SKIC2: variants seen among roughly 807,000 people sequenced by gnomAD.
SKIC2 encodes superkiller complex protein 2.
At chr6:31,961,708 C>T in the SKIC2 span, 5 of 1,601,806 alleles carry the variant, frequency 3.1e-6, no homozygotes, top group Non-Finnish European at 4.3e-6. Context: ...CGCTCCTCTA[C>T]CTCTTTCTGG....
At chr6:31,969,024 C>T in the SKIC2 span, 6 of 1,612,658 alleles carry the variant, frequency 3.7e-6, no homozygotes, top group Non-Finnish European at 5.1e-6. This position sits in a 1 kb window ranked among gnomAD's most constrained non-coding sequence, Gnocchi z 6.1. Flanking sequence ...TGCTGCCTTG[C>T]TCTCTGGCCT....
At chr6:31,959,338 G>C in the SKIC2 span, 2 of 1,613,948 alleles carry the variant, frequency 1.2e-6, no homozygotes, top group African/African-American at 2.7e-5. Context: ...CCTTCGGGCC[G>C]TGGAGCTCGG....
chr6:31,966,648 G>T, the SKIC2 span: 1 of 1,588,076 alleles, frequency 6.3e-7, no homozygotes. The surrounding 1 kb of genome is among the most constrained non-coding windows in gnomAD (Gnocchi z 5.9). Flanking sequence ...CAGTCCAGAA[G>T]ACTGGCTGGG....
the SKIC2 span, chr6:31,967,586 G>A: frequency 9.5e-7 from 1 of 1,050,720 alleles, no homozygotes; most frequent in Non-Finnish European, 1.4e-6. The surrounding 1 kb of genome is among the most constrained non-coding windows in gnomAD (Gnocchi z 4.9). Flanking sequence ...GCTTGACTTG[G>A]TTGCCCCTCT....
At chr6:31,965,815 A>G in the SKIC2 span, 1 of 1,612,324 alleles carries the variant, frequency 6.2e-7, no homozygotes, top group Non-Finnish European at 8.5e-7. The surrounding 1 kb of genome is among the most constrained non-coding windows in gnomAD (Gnocchi z 5.6). Flanking sequence ...TTGCCATGGG[A>G]GTAAACATGC....
At chr6:31,961,462 G>A in the SKIC2 span, 2 of 1,531,708 alleles carry the variant, frequency 1.3e-6, no homozygotes, top group Non-Finnish European at 1.8e-6. Context: ...GGGTCTGAGG[G>A]GAAGAAAGGG....
At chr6:31,959,271 C>A in the SKIC2 span, 1 of 1,607,248 alleles carries the variant, frequency 6.2e-7, no homozygotes, top group Non-Finnish European at 8.5e-7. Flanking sequence ...GAACTTTGAC[C>A]CCTGACTTTT....
chr6:31,959,799 A>G, the SKIC2 span: 64 of 578,084 alleles, frequency 1.1e-4, 1 homozygote, highest in Non-Finnish European at 2.4e-5. Context: ...GCTTTTTAAA[A>G]ATGCACATTC....
At chr6:31,967,988 C>A in the SKIC2 span, 1 of 1,613,068 alleles carries the variant, frequency 6.2e-7, no homozygotes, top group Non-Finnish European at 8.5e-7. This position sits in a 1 kb window ranked among gnomAD's most constrained non-coding sequence, Gnocchi z 4.9. Flanking sequence ...CAAGCTCCAG[C>A]CAGGAGATAT....
the SKIC2 span, chr6:31,959,503 C>A: frequency 2.4e-6 from 2 of 823,316 alleles, no homozygotes; most frequent in Non-Finnish European, 4.2e-6. Context: ...TGTGCCTGTA[C>A]TCCTGTCCAT....
chr6:31,960,105 G>A, the SKIC2 span: 1 of 1,612,876 alleles, frequency 6.2e-7, no homozygotes, highest in South Asian at 1.1e-5. Context: ...TGCATGGTGT[G>A]GAGCACTCAG....
chr6:31,969,533 G>A, the SKIC2 span: 1 of 1,613,504 alleles, frequency 6.2e-7, no homozygotes, highest in Non-Finnish European at 8.5e-7. This position sits in a 1 kb window ranked among gnomAD's most constrained non-coding sequence, Gnocchi z 6.1. Flanking sequence ...CGAGTTGGCA[G>A]GGCTCTCAGG....
chr6:31,963,129 C>A, the SKIC2 span: 1 of 1,363,324 alleles, frequency 7.3e-7, no homozygotes, highest in Non-Finnish European at 1.0e-6. The surrounding 1 kb of genome is among the most constrained non-coding windows in gnomAD (Gnocchi z 5.3). Context: ...GTGAAGGGGG[C>A]TACAGTACTC....
At chr6:31,965,759 CCTTT>C in the SKIC2 span, 1 of 1,461,410 alleles carries the variant, frequency 6.8e-7, no homozygotes, top group Non-Finnish European at 9.6e-7. This position sits in a 1 kb window ranked among gnomAD's most constrained non-coding sequence, Gnocchi z 5.6. Context: ...CTTTGCTGAT[CCTTT>C]CTGTTCTCCT....
chr6:31,967,470 T>C, the SKIC2 span: 7 of 995,630 alleles, frequency 7.0e-6, no homozygotes, highest in Non-Finnish European at 1.1e-5. This position sits in a 1 kb window ranked among gnomAD's most constrained non-coding sequence, Gnocchi z 4.9. Context: ...TGCGTCATCA[T>C]AGGGCCCTCA....
chr6:31,969,659 G>A, the SKIC2 span: 2 of 1,610,408 alleles, frequency 1.2e-6, no homozygotes, highest in Non-Finnish European at 1.7e-6. This position sits in a 1 kb window ranked among gnomAD's most constrained non-coding sequence, Gnocchi z 6.1. Context: ...GATGGAGACA[G>A]CGGCTACCTT....
the SKIC2 span, chr6:31,960,381 G>A: frequency 6.3e-7 from 1 of 1,595,038 alleles, no homozygotes; most frequent in Non-Finnish European, 8.6e-7. Context: ...GAGAAGGGGA[G>A]GTGGTCAGAG....
At chr6:31,967,105 G>A in the SKIC2 span, 2 of 1,612,636 alleles carry the variant, frequency 1.2e-6, no homozygotes, top group Non-Finnish European at 1.7e-6. This position sits in a 1 kb window ranked among gnomAD's most constrained non-coding sequence, Gnocchi z 4.9. Flanking sequence ...ATTACAGCTG[G>A]GGGGAGGAAC....
the SKIC2 span, chr6:31,969,478 C>A: frequency 1.9e-6 from 3 of 1,613,064 alleles, no homozygotes; most frequent in Non-Finnish European, 2.5e-6. The surrounding 1 kb of genome is among the most constrained non-coding windows in gnomAD (Gnocchi z 6.1). Context: ...CCTGCCCAGG[C>A]TGAGTGCATC....
Sources: gnomAD v4.1 joint callset for allele counts on GRCh38, gnomAD v4.1.1 for gene constraint, Gnocchi (gnomAD v3.1) non-coding constraint, MANE v1.5 for transcripts, NCBI Gene and HGNC (gene_info 2026-07-23, HGNC 2026-07-21) for gene names.